The following CHST11 variants were observed in gnomAD, a reference collection of about 807,000 sequenced individuals.
CHST11 encodes the protein carbohydrate sulfotransferase 11, also known as C4S-1.
Under a neutral mutation model 30.4 loss-of-function variants are expected in CHST11, and 9 were observed. That is an observed-to-expected ratio of 0.30 (90% CI 0.18 to 0.52). CHST11 has a LOEUF of 0.52. CHST11 is among the 20% of genes least tolerant of loss of function. The probability of loss-of-function intolerance (pLI) is 0.97; values close to 1 mark genes in which losing one functional copy is unlikely to be tolerated. For missense variants in CHST11, 348 were observed against 460.6 expected, an observed-to-expected ratio of 0.76 and a Z score of 2.24; for synonymous variants, 152 against 187.8, an observed-to-expected ratio of 0.81 and a Z score of 1.56.
chr12:104,727,086 T>A (rs1468421136), intron 2 of CHST11, among the ~76,000 whole-genome samples: 1 of 152,112 alleles, frequency 6.6e-6, no homozygotes, highest in Non-Finnish European at 1.5e-5. Flanking sequence ...AAACAGACAT[T>A]TATTTGGCCA....
intron 1 of CHST11, among the ~76,000 whole-genome samples, chr12:104,460,216 G>T (rs1287102546): frequency 6.6e-6 from 1 of 152,204 alleles, no homozygotes; most frequent in Admixed American, 6.5e-5. Flanking sequence ...GAGGCAGAAG[G>T]GACCACAGCA....
intron 2 of CHST11, among the ~76,000 whole-genome samples, chr12:104,697,281 TTCTGGGTGTG>T (rs1267560081): frequency 6.6e-6 from 1 of 152,226 alleles, no homozygotes; most frequent in Non-Finnish European, 1.5e-5. Context: ...AAAACATTAT[TTCTGGGTGTG>T]TCTGTGAGGG....
At chr12:104,489,708 C>T (rs545364193) in intron 1 of CHST11, among the ~76,000 whole-genome samples, 13 of 152,140 alleles carry the variant, frequency 8.5e-5, no homozygotes, top group African/African-American at 2.9e-4. Context: ...TGTGATCTAC[C>T]CACCTCGGCC....
chr12:104,743,942 CT>C (rs1484728720), intron 2 of CHST11, among the ~76,000 whole-genome samples: 8 of 125,256 alleles, frequency 6.4e-5, no homozygotes, highest in African/African-American at 2.5e-4. Context: ...CATGATCTCT[CT>C]TTTTTTATGG....
chr12:104,669,462 A>C (rs1216881803), intron 2 of CHST11, among the ~76,000 whole-genome samples: 2 of 152,006 alleles, frequency 1.3e-5, no homozygotes, highest in Non-Finnish European at 2.9e-5. Context: ...AGGTCTTTCC[A>C]CTGTCCCCGA....
intron 2 of CHST11, among the ~76,000 whole-genome samples, chr12:104,711,827 C>T (rs533085048): frequency 1.6e-4 from 25 of 152,294 alleles, no homozygotes; most frequent in Admixed American, 5.9e-4. Context: ...ATTTTACAAA[C>T]TTGCACTGTC....
chr12:104,619,075 G>C (rs917917922), intron 2 of CHST11, among the ~76,000 whole-genome samples: 1 of 152,270 alleles, frequency 6.6e-6, no homozygotes, highest in African/African-American at 2.4e-5. Context: ...GCACAGTGAA[G>C]ACCATCCATG....
chr12:104,734,471 G>A (rs1043383216), intron 2 of CHST11, among the ~76,000 whole-genome samples: 3 of 152,322 alleles, frequency 2.0e-5, no homozygotes, highest in East Asian at 3.9e-4. Flanking sequence ...GCTTGCCCAA[G>A]GCTGTGCTGC....
intron 2 of CHST11, among the ~76,000 whole-genome samples, chr12:104,608,388 A>C (rs1258852869): frequency 6.6e-6 from 1 of 151,966 alleles, no homozygotes. Context: ...CTATCACCAG[A>C]CCCTCGGCTG....
intron 2 of CHST11, among the ~76,000 whole-genome samples, chr12:104,671,702 G>T (rs941520127): frequency 6.6e-6 from 1 of 152,156 alleles, no homozygotes; most frequent in African/African-American, 2.4e-5. Flanking sequence ...TTGAACTTAT[G>T]ATTTGAATTT....
intron 1 of CHST11, among the ~76,000 whole-genome samples, chr12:104,544,374 A>G (rs1000456005): frequency 1.3e-5 from 2 of 152,084 alleles, no homozygotes; most frequent in African/African-American, 2.4e-5. Context: ...TGGTGGATTG[A>G]TAGGGAGAGA....
At chr12:104,595,064 T>C (rs1447156661) in intron 1 of CHST11, among the ~76,000 whole-genome samples, 1 of 152,180 alleles carries the variant, frequency 6.6e-6, no homozygotes, top group Admixed American at 6.5e-5. Flanking sequence ...AGAGGTCAGA[T>C]TCTTCCCACT....
At chr12:104,471,934 C>CT (rs919941447) in intron 1 of CHST11, among the ~76,000 whole-genome samples, 3 of 151,714 alleles carry the variant, frequency 2.0e-5, no homozygotes, top group Admixed American at 2.0e-4. Context: ...TGAACTAGGG[C>CT]TTTTTTTGGT....
chr12:104,579,629 A>C (rs1018192558), intron 1 of CHST11, among the ~76,000 whole-genome samples: 1 of 152,200 alleles, frequency 6.6e-6, no homozygotes, highest in Non-Finnish European at 1.5e-5. Context: ...TAACGTGGGT[A>C]ACTTTCATTT....
chr12:104,580,286 A>C (rs1432601734), intron 1 of CHST11, among the ~76,000 whole-genome samples: 1 of 152,186 alleles, frequency 6.6e-6, no homozygotes, highest in East Asian at 1.9e-4. Flanking sequence ...GATTTGACTA[A>C]AGTTTCTAAT....
chr12:104,694,523 A>G (rs1592843084), intron 2 of CHST11, among the ~76,000 whole-genome samples: 1 of 152,162 alleles, frequency 6.6e-6, no homozygotes, highest in Admixed American at 6.5e-5. Flanking sequence ...TTTCTTAAAA[A>G]ACCTGGGTGT....
chr12:104,625,294 T>C (rs1019393776), intron 2 of CHST11, among the ~76,000 whole-genome samples: 3 of 152,216 alleles, frequency 2.0e-5, no homozygotes, highest in African/African-American at 4.8e-5. Context: ...GAGATGCCAG[T>C]GACCATCCTT....
chr12:104,520,843 C>T (rs924586125), intron 1 of CHST11, among the ~76,000 whole-genome samples: 2 of 152,202 alleles, frequency 1.3e-5, no homozygotes, highest in African/African-American at 4.8e-5. Context: ...CGTGTGCAGC[C>T]ACCCCTTCTG....
chr12:104,545,641 G>A (rs759842944), intron 1 of CHST11, among the ~76,000 whole-genome samples: 6 of 152,300 alleles, frequency 3.9e-5, no homozygotes, highest in Middle Eastern at 3.4e-3. Context: ...ACAAAGGCAC[G>A]TTTCTTATAA....
Sources: allele counts gnomAD v4.1 joint callset (sites outside exome capture counted in the v4.1 genomes callset), GRCh38; gene constraint gnomAD v4.1.1; transcripts MANE v1.5; gene names NCBI Gene and HGNC (gene_info 2026-07-23, HGNC 2026-07-21).